Variants in GPN1 observed in about 807,000 individuals in gnomAD.
GPN1 encodes the protein ATP(GTP)-binding protein.
GPN1 carries 44 observed loss-of-function variants against 55.9 expected under a neutral mutation model. The ratio of observed to expected loss-of-function variants is 0.79; its 90% CI spans 0.62 to 1.01. The LOEUF (loss-of-function observed/expected upper bound fraction) is 1.01. GPN1 is among the 50% of genes least tolerant of loss of function. The pLI is 0.00. For missense variants in GPN1, 466 were observed against 462.8 expected (o/e 1.01, Z -0.06); for synonymous variants, 179 against 162.5 (o/e 1.10, Z -0.77).
chr2:27,638,765 A>G (rs1673829812), intron 8 of GPN1, 120 bp from the exon 9 acceptor site: 3 of 772,906 alleles, frequency 3.9e-6, no homozygotes, highest in Non-Finnish European at 6.1e-6. Flanking sequence ...TGGAGGGGAA[A>G]TAGAAGCAGA....
At chr2:27,634,082 A>T (rs1366273211) in intron 5 of GPN1, among the ~76,000 whole-genome samples, 2 of 151,996 alleles carry the variant, frequency 1.3e-5, no homozygotes, top group East Asian at 3.9e-4. Flanking sequence ...CTTGTTTTTG[A>T]TTATAGCCAT....
At chr2:27,628,934 C>A (rs1673406894), upstream of GPN1, 9 of 1,511,142 alleles carry the variant, frequency 6.0e-6, no homozygotes, top group Non-Finnish European at 8.0e-6. Context: ...GCCCTGGCAA[C>A]CGCCGCGCCC....
At chr2:27,638,307 G>A (rs1449338553) in intron 8 of GPN1, 52 bp downstream of exon 8, 2 of 1,028,824 alleles carry the variant, frequency 1.9e-6, no homozygotes, top group Admixed American at 1.7e-5. Context: ...GAACCTTGTG[G>A]TTAGAAGGTT....
intron 12 of GPN1, among the ~76,000 whole-genome samples, chr2:27,646,231 A>G (rs918667376): frequency 2.0e-5 from 3 of 149,694 alleles, no homozygotes; most frequent in African/African-American, 7.4e-5. Flanking sequence ...TAGTAGAGAC[A>G]GGGTTTTGCC....
At chr2:27,636,480 ATTAT>A (rs930417172) in intron 7 of GPN1, among the ~76,000 whole-genome samples, 2 of 151,986 alleles carry the variant, frequency 1.3e-5, no homozygotes, top group South Asian at 2.1e-4. Flanking sequence ...TTTCATATTA[ATTAT>A]TTATTTATTT....
chr2:27,628,365 G>GA (rs1673369923), upstream of GPN1: 1 of 1,531,982 alleles, frequency 6.5e-7, no homozygotes, highest in South Asian at 1.2e-5. Flanking sequence ...GACTGGAGGG[G>GA]AGGAAGCTCC....
At chr2:27,640,383 C>T (rs778468597) in intron 10 of GPN1, among the ~76,000 whole-genome samples, 4 of 152,120 alleles carry the variant, frequency 2.6e-5, no homozygotes, top group Non-Finnish European at 4.4e-5. Context: ...AAGAGCTAAA[C>T]AGTAGGTAGC....
At chr2:27,633,958 C>G (rs1673640580) in intron 5 of GPN1, among the ~76,000 whole-genome samples, 2 of 152,050 alleles carry the variant, frequency 1.3e-5, no homozygotes, top group African/African-American at 4.8e-5. Flanking sequence ...ACCAATCACT[C>G]CTTATTTTCT....
chr2:27,629,416 TTGC>T, intron 1 of GPN1: 1 of 1,550,910 alleles, frequency 6.4e-7, no homozygotes, highest in Non-Finnish European at 8.7e-7. Context: ...AGGAATTGTC[TTGC>T]TGATAAAATT....
Position 27,640,056 on chromosome 2 carries a change from C to T in GPN1, c.731C>T (p.Ser244Phe). The T allele has an allele frequency of 6.2e-7, 1 of 1,610,956 alleles. No individual in the cohort carries two copies. The highest frequency in any genetic ancestry group is 1.1e-5 in the South Asian group (1 of 91,002). Reference protein sequence around the residue: ...FYSSLRVVGVSAVLGTGLDEL... With the variant: ...FYSSLRVVGVFAVLGTGLDEL... ...GCTTTTTGGCAGGTGGTGGGTGTCT[C>T]TGCTGTTCTGGGTACTGGATTAGAT... Residue 244 changes from serine (S) to phenylalanine (F), a missense_variant, in exon 10 of 14, where the codon TCT becomes TTT. Coordinates refer to ENST00000610189, the MANE Select transcript of GPN1 (RefSeq NM_007266.4).
intron 6 of GPN1, 53 bp downstream of exon 6, chr2:27,634,977 G>A: frequency 1.8e-6 from 2 of 1,098,918 alleles, no homozygotes; most frequent in Admixed American, 1.7e-5. Flanking sequence ...TAGACTGGAT[G>A]AGCATTTATT....
At position 27,631,072 on chromosome 2, in the gene GPN1, CT is replaced by C; in HGVS notation, c.245+10del. On this transcript the variant is annotated splice_region_variant and intron_variant, in intron 3 of 13. Transcript: ENST00000610189. ...TATAAAGAAGTAATGAAACAGTATC[CT>C]TTTCCATCTACTTTGGTCTTGACTC... The C allele has an allele frequency of 8.1e-6, 11 of 1,362,846 alleles. No homozygotes were observed. The highest frequency in any genetic ancestry group is 9.4e-6 in the Non-Finnish European group (9 of 952,932). The allele number at this position is 1,362,846 out of a possible 1,614,324, so 84.4% of individuals were successfully genotyped here.
chr2:27,635,731 T>G (rs1261031074), intron 7 of GPN1, among the ~76,000 whole-genome samples: 1 of 152,014 alleles, frequency 6.6e-6, no homozygotes, highest in East Asian at 1.9e-4. Flanking sequence ...GTGGGAGGAT[T>G]GCTTGAGCTC....
rs894969127 is a variant in GPN1 at position 27,650,255 on chromosome 2, G to A, written c.*55G>A. 19 of 994,086 alleles carry A rather than the reference G, an allele frequency of 1.9e-5. No individual in the cohort carries two copies. The highest frequency in any genetic ancestry group is 6.4e-5 in the African/African-American group (4 of 62,682). 61.6% of individuals were successfully genotyped at this position (994,086 alleles called of 1,614,324 possible). On this transcript the variant is annotated 3_prime_UTR_variant, in exon 14 of 14. Coordinates refer to ENST00000610189, the MANE Select transcript of GPN1 (RefSeq NM_007266.4). ...GAAGTCCAGAATTTTGGACCTCCAC[G>A]TGAAAGAACTGTTCTTACCTCTGAA...
At chr2:27,630,397 T>G (rs1316928309) in intron 2 of GPN1, among the ~76,000 whole-genome samples, 2 of 144,354 alleles carry the variant, frequency 1.4e-5, no homozygotes, top group East Asian at 5.0e-4. Flanking sequence ...TTTTTTTTTT[T>G]TTTTTTTTTT....
chr2:27,637,941 A>G (rs1462064387), intron 7 of GPN1, among the ~76,000 whole-genome samples: 1 of 152,232 alleles, frequency 6.6e-6, no homozygotes, highest in Non-Finnish European at 1.5e-5. Flanking sequence ...TCCTTCTCTG[A>G]AAAATACCAA....
chr2:27,630,688 C>G (rs1301206172), intron 2 of GPN1, among the ~76,000 whole-genome samples: 3 of 152,146 alleles, frequency 2.0e-5, no homozygotes, highest in African/African-American at 7.2e-5. Flanking sequence ...AAAATCATGT[C>G]TGCATTGCCA....
chr2:27,639,599 A>C (rs1673859966), intron 9 of GPN1, among the ~76,000 whole-genome samples: 2 of 151,950 alleles, frequency 1.3e-5, no homozygotes. Context: ...AGCTCACTGC[A>C]GCCTTGACCT....
rs184651222 is a variant in GPN1 at position 27,646,179 on chromosome 2, C to T, written c.932-1657C>T. 5.3e-3 allele frequency among the ~76,000 whole-genome samples: 809 copies of T among 152,222 alleles called. 6 individuals are homozygous for T. Among genetic ancestry groups the T allele is most frequent in the Non-Finnish European group, 8.9e-3 (602 of 68,018 alleles). ...GCCTCAGCCTCCTGTGTAGCTGGGA[C>T]TACAGGCACATGCCACCACGCCCAG... On this transcript the variant is annotated intron_variant, in intron 12 of 13. Coordinates refer to ENST00000610189, the MANE Select transcript of GPN1 (RefSeq NM_007266.4).
Sources: allele counts gnomAD v4.1 joint callset (sites outside exome capture counted in the v4.1 genomes callset), GRCh38; gene constraint gnomAD v4.1.1; transcripts MANE v1.5; gene names NCBI Gene and HGNC (gene_info 2026-07-23, HGNC 2026-07-21).